Variants in KCNIP4 observed in about 807,000 individuals in gnomAD.
The protein encoded by KCNIP4 is Kv channel-interacting protein 4.
KCNIP4 carries 12 observed loss-of-function variants against 34.0 expected under a neutral mutation model. The ratio of observed to expected loss-of-function variants is 0.35; its 90% confidence interval spans 0.23 to 0.57. The LOEUF (loss-of-function observed/expected upper bound fraction) is 0.57. KCNIP4 is among the 20% of genes least tolerant of loss of function. The probability of loss-of-function intolerance (pLI) is 0.83; values close to 1 mark genes in which losing one functional copy is unlikely to be tolerated. For synonymous variants in KCNIP4, 124 were observed against 102.2 expected (o/e 1.21, Z -1.29); for missense variants, 238 against 311.7 (o/e 0.76, Z 1.78).
At chr4:21,724,570 CTT>C (rs397790836) in intron 1 of KCNIP4, among the ~76,000 whole-genome samples, 4 of 143,678 alleles carry the variant, frequency 2.8e-5, no homozygotes, top group Non-Finnish European at 1.5e-5. Context: ...CAGTGAGGGC[CTT>C]TTTTTTTTTT....
chr4:21,529,727 G>A (rs1736514851), intron 1 of KCNIP4, among the ~76,000 whole-genome samples: 1 of 152,050 alleles, frequency 6.6e-6, no homozygotes, highest in South Asian at 2.1e-4. Flanking sequence ...TGTCAAGAGA[G>A]GCATTATCAT....
chr4:21,004,597 A>C (rs560351796), intron 1 of KCNIP4, among the ~76,000 whole-genome samples: 54 of 152,328 alleles, frequency 3.5e-4, no homozygotes, highest in African/African-American at 1.3e-3. Context: ...GGAGGAGCCT[A>C]CAACAATTAC....
intron 1 of KCNIP4, among the ~76,000 whole-genome samples, chr4:20,984,527 G>A (rs1251635236): frequency 1.3e-5 from 2 of 152,152 alleles, no homozygotes; most frequent in African/African-American, 4.8e-5. Flanking sequence ...GAAAGCCCCC[G>A]TGGAAGTCTA....
chr4:21,834,543 G>A (rs1196091566), intron 1 of KCNIP4, among the ~76,000 whole-genome samples: 4 of 152,146 alleles, frequency 2.6e-5, no homozygotes, highest in African/African-American at 7.2e-5. Flanking sequence ...TGCAAACAGG[G>A]ACAATTTGAC....
At chr4:20,917,107 G>C (rs1483562159) in intron 1 of KCNIP4, among the ~76,000 whole-genome samples, 1 of 144,152 alleles carries the variant, frequency 6.9e-6, no homozygotes, top group African/African-American at 2.6e-5. Flanking sequence ...GCACAATCTC[G>C]GCTCACTGCA....
At chr4:20,794,627 A>G (rs1713209173) in intron 3 of KCNIP4, among the ~76,000 whole-genome samples, 2 of 152,202 alleles carry the variant, frequency 1.3e-5, no homozygotes, top group Admixed American at 1.3e-4. Flanking sequence ...GATACTGAAT[A>G]ACTCTAAGAT....
At chr4:20,821,625 T>C (rs1234739030) in intron 3 of KCNIP4, among the ~76,000 whole-genome samples, 1 of 152,102 alleles carries the variant, frequency 6.6e-6, no homozygotes. Flanking sequence ...CTTTGATCTC[T>C]CACCCCCTCC....
chr4:21,081,733 A>G (rs571050060), intron 1 of KCNIP4, among the ~76,000 whole-genome samples: 10 of 151,982 alleles, frequency 6.6e-5, no homozygotes, highest in African/African-American at 2.4e-4. Context: ...TTATATGCCA[A>G]ATTAATTCTC....
intron 1 of KCNIP4, among the ~76,000 whole-genome samples, chr4:21,721,268 C>A (rs1296215683): frequency 1.3e-5 from 2 of 152,084 alleles, no homozygotes; most frequent in African/African-American, 4.8e-5. Flanking sequence ...TAATAATGGC[C>A]AAGTTACTTA....
At chr4:21,614,809 AC>A (rs140619527) in intron 1 of KCNIP4, among the ~76,000 whole-genome samples, 1 of 152,222 alleles carries the variant, frequency 6.6e-6, no homozygotes, top group African/African-American at 2.4e-5. Flanking sequence ...GTTTTAGGAC[AC>A]CTATGGGCAT....
At chr4:21,221,094 C>T (rs1757950481) in intron 1 of KCNIP4, among the ~76,000 whole-genome samples, 1 of 152,168 alleles carries the variant, frequency 6.6e-6, no homozygotes, top group Non-Finnish European at 1.5e-5. Flanking sequence ...TTAACACCTG[C>T]TCCTTAGGCC....
chr4:21,229,430 G>C (rs1758637498), intron 1 of KCNIP4, among the ~76,000 whole-genome samples: 1 of 152,160 alleles, frequency 6.6e-6, no homozygotes, highest in African/African-American at 2.4e-5. Flanking sequence ...CAGAATTCAT[G>C]CATTACTTAC....
chr4:21,368,560 C>T (rs1324999440), intron 1 of KCNIP4, among the ~76,000 whole-genome samples: 2 of 147,140 alleles, frequency 1.4e-5, no homozygotes, highest in Admixed American at 6.6e-5. Flanking sequence ...AACTAAGGCC[C>T]AGTAAGGTTG....
At chr4:20,821,762 C>T (rs535907546) in intron 3 of KCNIP4, among the ~76,000 whole-genome samples, 2 of 152,032 alleles carry the variant, frequency 1.3e-5, no homozygotes, top group Non-Finnish European at 2.9e-5. Flanking sequence ...GTTACTTTAC[C>T]TAGAAAAATG....
intron 1 of KCNIP4, among the ~76,000 whole-genome samples, chr4:21,813,128 G>T (rs917379412): frequency 2.0e-5 from 3 of 152,036 alleles, no homozygotes; most frequent in Admixed American, 2.0e-4. Flanking sequence ...TCTGGATTCT[G>T]CCAACCTGGA....
chr4:21,853,283 C>G (rs1724526292), intron 1 of KCNIP4: 1 of 152,058 alleles, frequency 6.6e-6, no homozygotes, highest in Non-Finnish European at 1.5e-5. Flanking sequence ...ATATAGGGCT[C>G]TAATATTTTA....
At chr4:21,047,619 G>A (rs1487277886) in intron 1 of KCNIP4, among the ~76,000 whole-genome samples, 1 of 152,150 alleles carries the variant, frequency 6.6e-6, no homozygotes, top group African/African-American at 2.4e-5. Flanking sequence ...TGCTAGAAAA[G>A]TATCTAAGAA....
chr4:21,933,218 A>T (rs1729672161), intron 1 of KCNIP4, among the ~76,000 whole-genome samples: 1 of 151,974 alleles, frequency 6.6e-6, no homozygotes, highest in African/African-American at 2.4e-5. Flanking sequence ...ATGTGATGTG[A>T]CTATTTGGTT....
intron 1 of KCNIP4, among the ~76,000 whole-genome samples, chr4:21,025,649 G>T (rs1328427498): frequency 7.2e-6 from 1 of 139,166 alleles, no homozygotes; most frequent in Non-Finnish European, 1.5e-5. Context: ...TGCCTCCCGG[G>T]TTCACGCCAT....
Sources: gnomAD v4.1 joint callset for allele counts (sites outside exome capture counted in the v4.1 genomes callset) on GRCh38, gnomAD v4.1.1 for gene constraint, MANE v1.5 for transcripts, NCBI Gene and HGNC (gene_info 2026-07-23, HGNC 2026-07-21) for gene names.